DUSP8: variants seen among roughly 807,000 people sequenced by gnomAD.
DUSP8 encodes dual specificity protein phosphatase 8.
A neutral mutation model predicts 38.7 loss-of-function variants in DUSP8; 15 were observed. That is an observed-to-expected ratio of 0.39 (90% confidence interval 0.26 to 0.60). The LOEUF (loss-of-function observed/expected upper bound fraction) is 0.60. DUSP8 is among the 20% of genes least tolerant of loss of function. The pLI is 0.56. For missense variants in DUSP8, 768 were observed against 915.0 expected (o/e 0.84, Z 2.07); for synonymous variants, 458 against 433.9 (o/e 1.06, Z -0.69).
At chr11:1,561,906 A>T (rs1848722745) in intron 3 of DUSP8, among the ~76,000 whole-genome samples, 3 of 152,166 alleles carry the variant, frequency 2.0e-5, no homozygotes, top group South Asian at 2.1e-4. Context: ...AGGGAGCCTG[A>T]GGGCAGAGCC....
At chr11:1,564,224 G>A (rs368878736) in intron 2 of DUSP8, among the ~76,000 whole-genome samples, 14 of 152,222 alleles carry the variant, frequency 9.2e-5, no homozygotes, top group African/African-American at 3.4e-4. Context: ...AGGGAGGGGT[G>A]GACTCCTGCC....
At position 1,555,245 on chromosome 11, in the gene DUSP8, A is replaced by G; in HGVS notation, c.*1273T>C. ...TTGGGGGCTGGCATGCCACCTAGAG[A>G]GAGAGCACCCTGGGAAAGGGGTGAA... is the stretch of plus-strand genomic sequence containing the variant. On this transcript the variant is annotated 3_prime_UTR_variant, in exon 7 of 7. Coordinates refer to ENST00000397374, the MANE Select transcript of DUSP8 (RefSeq NM_004420.3). The G allele has an allele frequency of 2.0e-6, 2 of 987,724 alleles. No individual in the cohort carries two copies. The highest frequency in any genetic ancestry group is 2.4e-6 in the Non-Finnish European group (2 of 830,166). The allele number at this position is 987,724 out of a possible 1,614,324, so 61.2% of individuals were successfully genotyped here.
intron 3 of DUSP8, among the ~76,000 whole-genome samples, chr11:1,559,866 C>G (rs909720427): frequency 2.6e-5 from 4 of 152,184 alleles, no homozygotes; most frequent in Non-Finnish European, 4.4e-5. Flanking sequence ...CTGGAAGGAC[C>G]CGAACGTGAA....
At chr11:1,566,680 A>G (rs1370261999) in intron 1 of DUSP8, among the ~76,000 whole-genome samples, 1 of 152,198 alleles carries the variant, frequency 6.6e-6, no homozygotes, top group African/African-American at 2.4e-5. Context: ...GCACCCACAC[A>G]GTGCCTCTCC....
In DUSP8 at chr11:1,557,698, G is replaced by A. The variant is rs1848657953; in HGVS notation, c.821+96C>T. On this transcript the variant is annotated intron_variant, in intron 6 of 6. Transcript: ENST00000397374. The surrounding 1 kb of genome is among the most constrained non-coding windows in gnomAD (Gnocchi z 9.9). ...TCTCAGGCCCTCCTCCCTTGCCACG[G>A]GTCCTGGACGGTGGGGTCATTCTGG... 6.3e-7 allele frequency: 1 copy of A among 1,582,172 alleles called. No homozygotes were observed. Among genetic ancestry groups the A allele is most frequent in the Admixed American group, 1.7e-5 (1 of 58,562 alleles).
intron 1 of DUSP8, among the ~76,000 whole-genome samples, chr11:1,570,872 G>C (rs573602383): frequency 3.4e-4 from 52 of 152,218 alleles, no homozygotes; most frequent in African/African-American, 1.1e-3. Context: ...GGAGAGTGCC[G>C]GGGTTTGGAT....
intron 3 of DUSP8, among the ~76,000 whole-genome samples, chr11:1,560,512 G>A (rs1848699980): frequency 6.6e-6 from 1 of 152,214 alleles, no homozygotes; most frequent in Non-Finnish European, 1.5e-5. Context: ...CTGGGGGACT[G>A]TGGAGATAGG....
At chr11:1,560,220 C>T (rs1848695989) in intron 3 of DUSP8, among the ~76,000 whole-genome samples, 1 of 152,174 alleles carries the variant, frequency 6.6e-6, no homozygotes, top group Admixed American at 6.5e-5. Flanking sequence ...TGCCCTATCC[C>T]ATTGGACGGG....
rs576928781 is a variant in DUSP8 at position 1,555,006 on chromosome 11, G to A, written c.*1512C>T. The A allele has an allele frequency of 3.5e-3, 3,500 of 986,048 alleles. 11 individuals are homozygous for A. Among genetic ancestry groups the A allele is most frequent in the Middle Eastern group, 5.4e-3 (12 of 2,218 alleles). 61.1% of individuals were successfully genotyped at this position (986,048 alleles called of 1,614,324 possible). ...GAAACAGCAGAGAGGGCGGCTGGCTGGGGCGGGATGGGCGCCTCCCTGGCC... is the reference window on the plus strand; with the variant it reads ...GAAACAGCAGAGAGGGCGGCTGGCTAGGGCGGGATGGGCGCCTCCCTGGCC... On this transcript the variant is annotated 3_prime_UTR_variant, in exon 7 of 7. Coordinates refer to ENST00000397374, the MANE Select transcript of DUSP8 (RefSeq NM_004420.3).
chr11:1,566,026 C>T (rs907139624), intron 1 of DUSP8, 92 bp from the exon 2 acceptor site: 3 of 575,788 alleles, frequency 5.2e-6, no homozygotes, highest in African/African-American at 3.7e-5. Flanking sequence ...GAGCTGCGCC[C>T]ACCAGGACAC....
rs1336586462 is a variant in DUSP8 at position 1,556,999 on chromosome 11, C to T, written c.1397G>A (p.Arg466His). 8 of 1,019,970 alleles carry T rather than the reference C, an allele frequency of 7.8e-6. No homozygotes were observed. The highest frequency in any genetic ancestry group is 4.4e-5 in the South Asian group (1 of 22,484). The allele number at this position is 1,019,970 out of a possible 1,614,324, so 63.2% of individuals were successfully genotyped here. A position where few individuals can be genotyped will look rare whatever the true frequency, so the allele number is the denominator to read the frequency against. ...RPRPPAGSPARSPAHSLGLNF... is the reference protein window; with the variant it reads ...RPRPPAGSPAHSPAHSLGLNF... ...CAGGCCGAGGCTGTGCGCGGGGGAG[C>T]GCGCGGGGGAGCCGGCGGGGGGCCG... The change falls in exon 7 of 7, where the codon CGC (arginine) becomes CAC (histidine). Residue 466 changes from arginine (R) to histidine (H), a missense_variant. By Grantham distance (29) the Arg-to-His change is conservative. Coordinates refer to ENST00000397374, the MANE Select transcript of DUSP8 (RefSeq NM_004420.3). This position sits in a 1 kb window ranked among gnomAD's most constrained non-coding sequence, Gnocchi z 5.2.
rs1428246682 is a variant in DUSP8, at chr11:1,561,284, A to G, written c.371-2229T>C. 2.0e-5 allele frequency among the ~76,000 whole-genome samples: 3 copies of G among 152,156 alleles called. No individual in the cohort carries two copies. In the East Asian group the frequency reaches 5.8e-4, roughly 29 times the overall value. The stretch of plus-strand genomic sequence containing the variant: ...CGCCTGCAGTTCACCTGTTACTCAC[A>G]GTGAAATCCCAGACTTGAAAAAAGG... On this transcript the variant is annotated intron_variant, in intron 3 of 6. Coordinates refer to ENST00000397374, the MANE Select transcript of DUSP8 (RefSeq NM_004420.3).
In DUSP8 at chr11:1,556,778, CA is replaced by C; in HGVS notation, c.1617del (p.Phe539LeufsTer125). On this transcript the variant is annotated frameshift_variant, in exon 7 of 7. Coordinates refer to ENST00000397374, the MANE Select transcript of DUSP8 (RefSeq NM_004420.3). LOFTEE classifies it high-confidence loss of function. The surrounding 1 kb of genome is among the most constrained non-coding windows in gnomAD (Gnocchi z 5.2). ...GGGGCGCCCGCCCGGCCGAAGGGCGCAAACAGCACCCCGCCCGCCCCCTGTG... is the reference window on the plus strand; with the variant it reads ...GGGGCGCCCGCCCGGCCGAAGGGCGCAACAGCACCCCGCCCGCCCCCTGTG... ...EGAQGAGGVLFAPFGRAGAPG... is the reference protein window; with the variant it reads ...EGAQGAGGVLXAPFGRAGAPG... 1 of 1,188,624 alleles carries C rather than the reference CA, an allele frequency of 8.4e-7. No homozygotes were observed. The highest frequency in any genetic ancestry group is 4.2e-5 in the South Asian group (1 of 24,096). 73.6% of individuals were successfully genotyped at this position (1,188,624 alleles called of 1,614,324 possible).
chr11:1,560,969 G>C (rs1848708710), intron 3 of DUSP8, among the ~76,000 whole-genome samples: 1 of 152,180 alleles, frequency 6.6e-6, no homozygotes, highest in Non-Finnish European at 1.5e-5. Context: ...CGACAGCTAT[G>C]TCAGCAATTC....
Position 1,556,893 on chromosome 11 carries a change from C to T in DUSP8, c.1503G>A (p.Gln501=). ...LSAPGLPGPG[Q]PAGPGAWAPP... ...GTGCCCAGGCCCCGGGGCCGGCCGG[C>T]TGGCCAGGGCCGGGCAGCCCGGGCG... The change falls in exon 7 of 7, where the codon CAG becomes CAA. Residue 501 remains glutamine (Q), a synonymous_variant. Transcript: ENST00000397374. This position sits in a 1 kb window ranked among gnomAD's most constrained non-coding sequence, Gnocchi z 5.2. The T allele has an allele frequency of 9.2e-7, 1 of 1,092,704 alleles. No individual in the cohort carries two copies. The highest frequency in any genetic ancestry group is 1.1e-6 in the Non-Finnish European group (1 of 900,062). The allele number at this position is 1,092,704 out of a possible 1,614,324, so 67.7% of individuals were successfully genotyped here.
intron 2 of DUSP8, among the ~76,000 whole-genome samples, chr11:1,564,857 T>C (rs1287964589): frequency 6.6e-6 from 1 of 152,226 alleles, no homozygotes; most frequent in Non-Finnish European, 1.5e-5. Flanking sequence ...GTCCCAGCTC[T>C]GAACAGGGCC....
At chr11:1,570,636 TCGTG>T (rs1333693656) in intron 1 of DUSP8, among the ~76,000 whole-genome samples, 5 of 32,868 alleles carry the variant, frequency 1.5e-4, no homozygotes, top group Non-Finnish European at 2.7e-4. Context: ...CCAGCCACAC[TCGTG>T]CAGCCCCCGG....
In DUSP8 at chr11:1,555,436, C is replaced by T; in HGVS notation, c.*1082G>A. 1 of 986,224 alleles carries T rather than the reference C, an allele frequency of 1.0e-6. No homozygotes were observed. Among genetic ancestry groups the T allele is most frequent in the Non-Finnish European group, 1.2e-6 (1 of 829,992 alleles). The allele number at this position is 986,224 out of a possible 1,614,324, so 61.1% of individuals were successfully genotyped here. A position where few individuals can be genotyped will look rare whatever the true frequency, so the allele number is the denominator to read the frequency against. On this transcript the variant is annotated 3_prime_UTR_variant, in exon 7 of 7. Transcript: ENST00000397374. Reference sequence around the variant, plus strand: ...AGCAGCACCTGCTCACAGAGCCCCTCAGCCTGCAGGTGCACACCTGAATTC... The same window carrying T: ...AGCAGCACCTGCTCACAGAGCCCCTTAGCCTGCAGGTGCACACCTGAATTC...
chr11:1,559,648 A>G (rs1270756602), intron 3 of DUSP8, among the ~76,000 whole-genome samples: 2 of 152,200 alleles, frequency 1.3e-5, no homozygotes, highest in East Asian at 1.9e-4. Context: ...TCACCCTGGC[A>G]CAGCCCTCGG....
Sources: allele counts gnomAD v4.1 joint callset (sites outside exome capture counted in the v4.1 genomes callset), GRCh38; gene constraint gnomAD v4.1.1; non-coding constraint Gnocchi (gnomAD v3.1); transcripts MANE v1.5; gene names NCBI Gene and HGNC (gene_info 2026-07-23, HGNC 2026-07-21).